XKR9: variants seen among roughly 807,000 people sequenced by gnomAD.
The protein encoded by XKR9 is XK-related protein 9.
XKR9 carries 32 observed loss-of-function variants against 32.0 expected under a neutral mutation model. The observed-to-expected ratio is 1.00, with a 90% CI of 0.76 to 1.34. The LOEUF is 1.34. Among genes scored for constraint, XKR9 ranks in the 40% most tolerant of loss-of-function variants. The pLI, the probability that XKR9 is intolerant of heterozygous loss-of-function variation, is 0.00. For missense variants in XKR9, 546 were observed against 429.7 expected, an observed-to-expected ratio of 1.27 and a Z score of -2.39; for synonymous variants, 168 against 143.4, an observed-to-expected ratio of 1.17 and a Z score of -1.22.
intron 2 of XKR9, among the ~76,000 whole-genome samples, chr8:70,746,953 G>T (rs1402385246): frequency 6.6e-6 from 1 of 152,024 alleles, no homozygotes; most frequent in Non-Finnish European, 1.5e-5. Flanking sequence ...AGTGTTTATT[G>T]TTCCCATCTC....
At chr8:70,992,121 G>A in the XKR9 span, among the ~76,000 whole-genome samples, 1 of 152,138 alleles carries the variant, frequency 6.6e-6, no homozygotes, top group Non-Finnish European at 1.5e-5. Context: ...GATGTACCCT[G>A]CAAACTGCCT....
the XKR9 span, among the ~76,000 whole-genome samples, chr8:70,809,311 A>G: frequency 6.6e-6 from 1 of 152,222 alleles, no homozygotes; most frequent in Non-Finnish European, 1.5e-5. Context: ...CCATCATCAA[A>G]GACCAAAGGT....
downstream of XKR9, among the ~76,000 whole-genome samples, chr8:70,736,490 T>C (rs1231922525): frequency 1.3e-5 from 2 of 152,226 alleles, no homozygotes; most frequent in African/African-American, 4.8e-5. Flanking sequence ...CATTTGTCAA[T>C]TTTGGCTTTT....
At chr8:70,997,687 A>C in the XKR9 span, among the ~76,000 whole-genome samples, 1 of 152,180 alleles carries the variant, frequency 6.6e-6, no homozygotes, top group South Asian at 2.1e-4. Flanking sequence ...CGATGGGTAT[A>C]CCAAAATCTC....
chr8:70,938,924 C>G, the XKR9 span, among the ~76,000 whole-genome samples: 1 of 151,104 alleles, frequency 6.6e-6, no homozygotes, highest in Non-Finnish European at 1.5e-5. Flanking sequence ...TCCCATCTGG[C>G]CTCCTACCAG....
intron 2 of XKR9, among the ~76,000 whole-genome samples, chr8:70,776,947 C>CTCTCTCTCTCTCTCTCTCTATATA: frequency 1.3e-4 from 7 of 54,206 alleles, no homozygotes; most frequent in African/African-American, 3.2e-4. Context: ...CTCTCTCTCT[C>CTCTCTCTCTCTCTCTCTCTATATA]TATATATATA....
At chr8:70,992,998 G>A in the XKR9 span, among the ~76,000 whole-genome samples, 2 of 152,170 alleles carry the variant, frequency 1.3e-5, no homozygotes, top group South Asian at 4.1e-4. Flanking sequence ...GCCCTAGGAT[G>A]GCAAATGCTT....
At chr8:70,717,782 G>C (rs551696210) in intron 4 of XKR9, among the ~76,000 whole-genome samples, 23 of 152,130 alleles carry the variant, frequency 1.5e-4, no homozygotes, top group Non-Finnish European at 3.1e-4. Context: ...TTGAATGTCT[G>C]CTCAGAAAAT....
the XKR9 span, among the ~76,000 whole-genome samples, chr8:70,841,369 G>A: frequency 6.6e-6 from 1 of 152,078 alleles, no homozygotes; most frequent in Non-Finnish European, 1.5e-5. Context: ...TTTATACTGT[G>A]TCATATTCAA....
the XKR9 span, among the ~76,000 whole-genome samples, chr8:70,934,338 G>T: frequency 6.6e-6 from 1 of 151,996 alleles, no homozygotes; most frequent in Non-Finnish European, 1.5e-5. Flanking sequence ...TTGATGGGCT[G>T]ATGTTCATAT....
chr8:70,839,436 A>T, the XKR9 span, among the ~76,000 whole-genome samples: 1 of 152,160 alleles, frequency 6.6e-6, no homozygotes, highest in East Asian at 1.9e-4. Flanking sequence ...TGGTGTTTAA[A>T]TACGTGCTCA....
the XKR9 span, among the ~76,000 whole-genome samples, chr8:70,954,687 C>T: frequency 6.6e-6 from 1 of 152,196 alleles, no homozygotes; most frequent in East Asian, 1.9e-4. Flanking sequence ...CTCTGGGGCT[C>T]CTCTTACAGC....
At chr8:70,903,822 G>T in the XKR9 span, among the ~76,000 whole-genome samples, 12 of 152,034 alleles carry the variant, frequency 7.9e-5, no homozygotes, top group Non-Finnish European at 1.6e-4. Flanking sequence ...ATGTCCCAGA[G>T]ATTCTGGTAT....
chr8:70,807,544 G>T, the XKR9 span, among the ~76,000 whole-genome samples: 1 of 152,070 alleles, frequency 6.6e-6, no homozygotes, highest in South Asian at 2.1e-4. Flanking sequence ...ACACACAGGG[G>T]CTCAGAATAA....
the XKR9 span, among the ~76,000 whole-genome samples, chr8:70,978,602 C>G: frequency 6.6e-6 from 1 of 152,130 alleles, no homozygotes; most frequent in Non-Finnish European, 1.5e-5. Flanking sequence ...GCTGAGATAT[C>G]TGCTGTTAGT....
the XKR9 span, among the ~76,000 whole-genome samples, chr8:70,924,499 C>T: frequency 3.9e-4 from 60 of 152,156 alleles, no homozygotes; most frequent in Non-Finnish European, 8.1e-4. Context: ...TATCATCTGG[C>T]CTCATCTTCT....
chr8:70,742,066 A>T (rs971110801), intron 2 of XKR9, among the ~76,000 whole-genome samples: 1 of 151,978 alleles, frequency 6.6e-6, no homozygotes, highest in Non-Finnish European at 1.5e-5. Context: ...GATGTTAATC[A>T]TCTTTTTATG....
chr8:70,881,946 A>C, the XKR9 span, among the ~76,000 whole-genome samples: 3 of 152,248 alleles, frequency 2.0e-5, no homozygotes, highest in African/African-American at 7.2e-5. Flanking sequence ...AAAAAGGATG[A>C]GTTCATGTCC....
At chr8:70,695,193 A>G (rs1158690759) in intron 3 of XKR9, among the ~76,000 whole-genome samples, 1 of 122,764 alleles carries the variant, frequency 8.1e-6, no homozygotes, top group African/African-American at 3.2e-5. Context: ...TATTATTATT[A>G]TACTTTAAGT....
Sources: gnomAD v4.1 joint callset for allele counts (sites outside exome capture counted in the v4.1 genomes callset) on GRCh38, gnomAD v4.1.1 for gene constraint, MANE v1.5 for transcripts, NCBI Gene and HGNC (gene_info 2026-07-23, HGNC 2026-07-21) for gene names.